The following AKAP13 variants were observed in gnomAD, a reference collection of about 807,000 sequenced individuals.
The protein encoded by AKAP13 is A-kinase anchoring protein 13, also known as A-kinase anchor protein 13.
AKAP13 carries 80 observed loss-of-function variants against 264.5 expected under a neutral mutation model. That is an observed-to-expected ratio of 0.30 (90% CI 0.25 to 0.36). The LOEUF is 0.36. Among genes scored for constraint, AKAP13 ranks in the 10% least tolerant of loss-of-function variants. The pLI, the probability that AKAP13 is intolerant of heterozygous loss-of-function variation, is 1.00. For missense variants in AKAP13, 3,712 were observed against 3,435.2 expected, an observed-to-expected ratio of 1.08 and a Z score of -2.01; for synonymous variants, 1,380 against 1,250.2, an observed-to-expected ratio of 1.10 and a Z score of -2.19.
intron 17 of AKAP13, among the ~76,000 whole-genome samples, chr15:85,703,182 C>G (rs1365145352): frequency 6.6e-6 from 1 of 152,094 alleles, no homozygotes; most frequent in Non-Finnish European, 1.5e-5. Flanking sequence ...AAAAGTTGCC[C>G]TCTAGACAGT....
intron 2 of AKAP13, among the ~76,000 whole-genome samples, chr15:85,497,438 A>C (rs1429922512): frequency 6.6e-6 from 1 of 152,184 alleles, no homozygotes; most frequent in African/African-American, 2.4e-5. Context: ...TGGGGGCTCT[A>C]CCAGCCTGGA....
rs2079118228 is a variant in AKAP13, at chr15:85,579,777, C to T, written c.1709C>T (p.Thr570Ile). The part of the protein sequence containing the change: ...TSTEKTAETE[T>I]SRSREESADA... ...ACTGAAAAAACAGCAGAAACGGAAA[C>T]TTCACGAAGTCGTGAGGAGAGTGCT... Residue 570 changes from threonine (T) to isoleucine (I), a missense_variant, in exon 7 of 37, where the codon ACT becomes ATT. Thr to Ile is a moderately conservative substitution (Grantham distance 89, BLOSUM62 -1). This residue lies in a region of AKAP13 where 2,759 missense variants were observed against 2,411.7 expected (regional missense o/e 1.14). Transcript: ENST00000394518. 1.2e-6 allele frequency: 2 copies of T among 1,614,110 alleles called. No homozygotes were observed. Among genetic ancestry groups the T allele is most frequent in the Non-Finnish European group, 1.7e-6 (2 of 1,180,040 alleles).
At chr15:85,455,504 T>A (rs1265227441) in intron 1 of AKAP13, among the ~76,000 whole-genome samples, 11 of 152,188 alleles carry the variant, frequency 7.2e-5, no homozygotes, top group Admixed American at 7.2e-4. Flanking sequence ...ACACTCTTTA[T>A]ACTTATAGCC....
chr15:85,668,592 A>C (rs1295246204), intron 13 of AKAP13, among the ~76,000 whole-genome samples: 12 of 152,190 alleles, frequency 7.9e-5, no homozygotes, highest in Admixed American at 7.9e-4. Context: ...TTCCAGATAC[A>C]CTGTTGTTTT....
At chr15:85,741,622 T>C in intron 35 of AKAP13, 127 bp downstream of exon 35, 1 of 1,388,402 alleles carries the variant, frequency 7.2e-7, no homozygotes, top group Non-Finnish European at 9.3e-7. Context: ...ATGCCTGTGA[T>C]CCCAGCACTT....
rs770528600 is a variant in AKAP13, at chr15:85,521,579, A to G, written c.181+4A>G. The G allele has an allele frequency of 6.2e-7, 1 of 1,613,752 alleles. No individual in the cohort carries two copies. The highest frequency in any genetic ancestry group is 8.5e-7 in the Non-Finnish European group (1 of 1,179,776). Reference sequence around the variant, plus strand: ...ACATTGGAGACCATTGCTCCTGGTAAGTATTTGAATGGGATCCTTACTAGC... The same window carrying G: ...ACATTGGAGACCATTGCTCCTGGTAGGTATTTGAATGGGATCCTTACTAGC... On this transcript the variant is annotated splice_donor_region_variant and intron_variant, in intron 3 of 36. Coordinates refer to ENST00000394518, the MANE Select transcript of AKAP13 (RefSeq NM_007200.5).
At chr15:85,653,076 T>A (rs1186664966) in intron 10 of AKAP13, among the ~76,000 whole-genome samples, 1 of 152,212 alleles carries the variant, frequency 6.6e-6, no homozygotes, top group Non-Finnish European at 1.5e-5. Context: ...TCCTTGTCCA[T>A]GGAAAGTTGC....
At chr15:85,433,602 G>T (rs969083968) in intron 1 of AKAP13, among the ~76,000 whole-genome samples, 2 of 151,916 alleles carry the variant, frequency 1.3e-5, no homozygotes, top group African/African-American at 2.4e-5. Flanking sequence ...ATCCCTTCTT[G>T]GTATTAGCTA....
At chr15:85,452,738 C>G (rs536217894) in intron 1 of AKAP13, among the ~76,000 whole-genome samples, 1 of 152,170 alleles carries the variant, frequency 6.6e-6, no homozygotes, top group South Asian at 2.1e-4. Context: ...TGTGTGGCTC[C>G]CCTATGTTTC....
chr15:85,733,873 C>CTTTTTTTTTTTTTTTTTTTTTTTTTTT (rs72092500), intron 30 of AKAP13, among the ~76,000 whole-genome samples: 3 of 82,592 alleles, frequency 3.6e-5, no homozygotes, highest in Admixed American at 1.4e-4. Flanking sequence ...TCTTTCTTTT[C>CTTTTTTTTTTTTTTTTTTTTTTTTTTT]TTTTTTTTTT....
chr15:85,531,602 T>C (rs1020460787), intron 3 of AKAP13, among the ~76,000 whole-genome samples: 2 of 152,216 alleles, frequency 1.3e-5, no homozygotes, highest in African/African-American at 4.8e-5. Context: ...ATTGCTTTTT[T>C]CCCCTAATTC....
intron 1 of AKAP13, among the ~76,000 whole-genome samples, chr15:85,442,554 A>G (rs75145862): frequency 7.5e-6 from 1 of 134,140 alleles, no homozygotes; most frequent in East Asian, 2.0e-4. Flanking sequence ...ATATATATTT[A>G]TTTCTAGCAT....
intron 2 of AKAP13, among the ~76,000 whole-genome samples, chr15:85,508,498 C>A (rs374337849): frequency 6.6e-6 from 1 of 151,742 alleles, no homozygotes; most frequent in African/African-American, 2.4e-5. Context: ...AGCCCTCTGA[C>A]GGGGGTGGTG....
chr15:85,424,763 C>T (rs1318540292), intron 1 of AKAP13, among the ~76,000 whole-genome samples: 2 of 152,162 alleles, frequency 1.3e-5, no homozygotes, highest in African/African-American at 4.8e-5. Context: ...TTATTTCTAG[C>T]TTTTGAGTTA....
chr15:85,419,445 C>CCAGA (rs2072408434), intron 1 of AKAP13, among the ~76,000 whole-genome samples: 1 of 152,158 alleles, frequency 6.6e-6, no homozygotes, highest in South Asian at 2.1e-4. Context: ...CATTGTGTAT[C>CCAGA]ATTCTGGAAA....
At chr15:85,449,364 C>A (rs1022620070) in intron 1 of AKAP13, among the ~76,000 whole-genome samples, 1 of 152,154 alleles carries the variant, frequency 6.6e-6, no homozygotes, top group African/African-American at 2.4e-5. Context: ...AGAATCATGT[C>A]ATCTGCAAAT....
intron 8 of AKAP13, among the ~76,000 whole-genome samples, chr15:85,598,879 T>C (rs2079933991): frequency 6.6e-6 from 1 of 152,252 alleles, no homozygotes; most frequent in Non-Finnish European, 1.5e-5. Context: ...TTTTCCCTGT[T>C]GACAGCATTG....
At chr15:85,633,570 G>A (rs1260461617) in intron 8 of AKAP13, among the ~76,000 whole-genome samples, 1 of 112,162 alleles carries the variant, frequency 8.9e-6, no homozygotes, top group Non-Finnish European at 1.8e-5. Context: ...TTGAGACGGA[G>A]TCTCTCTTTG....
intron 1 of AKAP13, among the ~76,000 whole-genome samples, chr15:85,395,061 C>G (rs16977808): frequency 0.22 from 33,538 of 152,128 alleles, 3,941 homozygotes; most frequent in East Asian, 0.3. Flanking sequence ...ACAGGACATG[C>G]AAGTTCCTTT....
Sources: allele counts gnomAD v4.1 joint callset (sites outside exome capture counted in the v4.1 genomes callset), GRCh38; gene constraint gnomAD v4.1.1; regional missense constraint gnomAD v4.1.1; transcripts MANE v1.5; gene names NCBI Gene and HGNC (gene_info 2026-07-23, HGNC 2026-07-21).